The following GBE1 variants were observed in gnomAD, a reference collection of about 807,000 sequenced individuals.
The protein encoded by GBE1 is 1,4-alpha-glucan-branching enzyme.
GBE1 carries 70 observed loss-of-function variants against 88.8 expected under a neutral mutation model. The ratio of observed to expected loss-of-function variants is 0.79; its 90% CI spans 0.65 to 0.96. GBE1 has a LOEUF of 0.96. Ranked by LOEUF, GBE1 falls within the 40% of genes least tolerant of loss-of-function variation. The probability of loss-of-function intolerance (pLI) is 0.00; values close to 1 mark genes in which losing one functional copy is unlikely to be tolerated. For synonymous variants in GBE1, 284 were observed against 300.1 expected (o/e 0.95, Z 0.56); for missense variants, 872 against 871.0 (o/e 1.00, Z -0.01).
At chr3:81,587,404 C>A (rs1703816366) in intron 9 of GBE1, among the ~76,000 whole-genome samples, 1 of 152,060 alleles carries the variant, frequency 6.6e-6, no homozygotes, top group African/African-American at 2.4e-5. Context: ...TTGCCTAGAC[C>A]ATATCCAAAT....
intron 1 of GBE1, among the ~76,000 whole-genome samples, chr3:81,721,998 G>C (rs1392996252): frequency 6.6e-6 from 1 of 152,116 alleles, no homozygotes; most frequent in Non-Finnish European, 1.5e-5. Flanking sequence ...AGCAGAACCA[G>C]AATTTTAAAA....
intron 1 of GBE1, among the ~76,000 whole-genome samples, chr3:81,730,667 A>T (rs528591024): frequency 4.6e-5 from 7 of 152,176 alleles, no homozygotes; most frequent in Non-Finnish European, 1.0e-4. Flanking sequence ...ATATACCAGA[A>T]AGCCTTCTAG....
intron 7 of GBE1, among the ~76,000 whole-genome samples, chr3:81,637,121 A>G (rs9810626): frequency 0.093 from 14,152 of 152,136 alleles, 1,329 homozygotes; most frequent in African/African-American, 0.24. Context: ...CTAATAAAAT[A>G]GAACAATTAT....
intron 2 of GBE1, among the ~76,000 whole-genome samples, chr3:81,702,157 GTGT>G (rs1705704506): frequency 8.5e-6 from 1 of 117,748 alleles, no homozygotes; most frequent in Admixed American, 8.9e-5. Flanking sequence ...GTGTGTGTGT[GTGT>G]TAAGGCATGG....
At chr3:81,520,563 A>C (rs1470799827) in intron 14 of GBE1, among the ~76,000 whole-genome samples, 1 of 151,558 alleles carries the variant, frequency 6.6e-6, no homozygotes. Flanking sequence ...AAGAAATGCC[A>C]CTAAAGAAAT....
At chr3:81,541,446 A>T in intron 12 of GBE1, among the ~76,000 whole-genome samples, 1 of 147,118 alleles carries the variant, frequency 6.8e-6, no homozygotes, top group Non-Finnish European at 1.5e-5. Context: ...ATGGGCTGCA[A>T]GTTGCCCCCC....
rs572471888 is a variant in GBE1, at chr3:81,507,340, A to G, written c.1935-8113T>C. 9.9e-4 allele frequency among the ~76,000 whole-genome samples: 151 copies of G among 152,232 alleles called. 1 individual carries two copies. The highest frequency in any genetic ancestry group is 3.4e-3 in the African/African-American group (143 of 41,528). On this transcript the variant is annotated intron_variant, in intron 14 of 15. Transcript: ENST00000429644. ...AGCACTTTGGGAGGCCGAGGCGGGC[A>G]GATCACGAGGTCAGGAGATCGAGAC... is the stretch of plus-strand genomic sequence containing the variant.
chr3:81,653,300 C>A (rs1218277598), intron 3 of GBE1, among the ~76,000 whole-genome samples: 3 of 151,844 alleles, frequency 2.0e-5, no homozygotes, highest in African/African-American at 4.8e-5. Flanking sequence ...CTGGTCTCTA[C>A]AAAAGATTAA....
At chr3:81,619,273 T>A (rs1262226063) in intron 7 of GBE1, among the ~76,000 whole-genome samples, 1 of 152,232 alleles carries the variant, frequency 6.6e-6, no homozygotes, top group East Asian at 1.9e-4. Context: ...ATGAACTTGA[T>A]CCAAATTTAT....
At chr3:81,526,454 T>C (rs1347522691) in intron 14 of GBE1, among the ~76,000 whole-genome samples, 2 of 152,070 alleles carry the variant, frequency 1.3e-5, no homozygotes, top group Admixed American at 1.3e-4. Context: ...GATGACATGA[T>C]TGTATATCTA....
At chr3:81,714,509 C>T (rs1705914670) in intron 1 of GBE1, among the ~76,000 whole-genome samples, 1 of 151,990 alleles carries the variant, frequency 6.6e-6, no homozygotes, top group African/African-American at 2.4e-5. Flanking sequence ...ATGAGATAAA[C>T]AGAAAAATTA....
At chr3:81,707,405 T>G (rs894765132) in intron 1 of GBE1, among the ~76,000 whole-genome samples, 2 of 151,930 alleles carry the variant, frequency 1.3e-5, no homozygotes, top group East Asian at 3.9e-4. Context: ...TAATGAACCA[T>G]TCTAGAAGAA....
intron 7 of GBE1, among the ~76,000 whole-genome samples, chr3:81,599,591 A>G (rs1175726142): frequency 1.3e-5 from 2 of 152,196 alleles, no homozygotes; most frequent in Non-Finnish European, 2.9e-5. Context: ...AAGTATTTGT[A>G]TATCTAAACA....
At chr3:81,650,842 GT>G (rs530521531) in intron 3 of GBE1, among the ~76,000 whole-genome samples, 2,624 of 151,836 alleles carry the variant, frequency 0.017, 94 homozygotes, top group African/African-American at 0.061. Flanking sequence ...TTTTGGGGGG[GT>G]CTGGGGTTTT....
At chr3:81,758,305 T>C (rs1706631056) in intron 1 of GBE1, among the ~76,000 whole-genome samples, 1 of 152,238 alleles carries the variant, frequency 6.6e-6, no homozygotes, top group African/African-American at 2.4e-5. Flanking sequence ...ATTATTAAAT[T>C]GTGTTGTTTT....
intron 14 of GBE1, among the ~76,000 whole-genome samples, chr3:81,527,669 A>G (rs567636338): frequency 2.4e-4 from 36 of 152,296 alleles, no homozygotes; most frequent in African/African-American, 6.5e-4. Flanking sequence ...ACAATGAGAT[A>G]CCATCTCACA....
At chr3:81,528,619 C>T (rs918253009) in intron 14 of GBE1, among the ~76,000 whole-genome samples, 2 of 151,946 alleles carry the variant, frequency 1.3e-5, no homozygotes, top group African/African-American at 4.8e-5. Context: ...GTATCTCTCT[C>T]TTTAGCTCTA....
chr3:81,590,469 G>A (rs533793000), intron 9 of GBE1, among the ~76,000 whole-genome samples: 1 of 152,028 alleles, frequency 6.6e-6, no homozygotes, highest in South Asian at 2.1e-4. Flanking sequence ...CACCAAGAGG[G>A]GAATTGTCAA....
rs376842665 is a variant in GBE1 at position 81,712,955 on chromosome 3, C to T, written c.144-7342G>A. Among the ~76,000 whole-genome samples, 4 of 152,008 alleles carry T rather than the reference C, an allele frequency of 2.6e-5. No individual in the cohort carries two copies. In the East Asian group the frequency reaches 5.8e-4, roughly 22 times the overall value. On this transcript the variant is annotated intron_variant, in intron 1 of 15. Transcript: ENST00000429644. ...GGCTGCCAAATGAAGGTTAACCACT[C>T]GAGACTTTAAAGTGAGTATTTTATG...
Sources: gnomAD v4.1 joint callset for allele counts (sites outside exome capture counted in the v4.1 genomes callset) on GRCh38, gnomAD v4.1.1 for gene constraint, MANE v1.5 for transcripts, NCBI Gene and HGNC (gene_info 2026-07-23, HGNC 2026-07-21) for gene names.